Variants in TAF1 observed in about 807,000 individuals in gnomAD.
The protein encoded by TAF1 is TATA-box binding protein associated factor 1.
TAF1 carries 2 observed loss-of-function variants against 138.5 expected under a neutral mutation model. That is an observed-to-expected ratio of 0.01 (90% CI 0.01 to 0.05). TAF1 has a LOEUF of 0.05. TAF1 is among the 10% of genes least tolerant of loss of function. The pLI, the probability that TAF1 is intolerant of heterozygous loss-of-function variation, is 1.00. For missense variants in TAF1, 709 were observed against 1,478.0 expected, an observed-to-expected ratio of 0.48 and a Z score of 8.53; for synonymous variants, 437 against 503.2, an observed-to-expected ratio of 0.87 and a Z score of 1.76.
At chrX:71,486,409 G>A (rs982101147) in intron 13 of TAF1, among the ~76,000 whole-genome samples, 5 of 109,677 alleles carry the variant, frequency 4.6e-5, no homozygotes, top group African/African-American at 1.7e-4. Context: ...CCCACGCTGG[G>A]GTGCAGTGGC....
chrX:71,388,119 G>T, intron 15 of TAF1, 118 bp from the exon 16 acceptor site: 1 of 1,029,347 alleles, frequency 9.7e-7, no homozygotes, highest in Non-Finnish European at 1.3e-6. Flanking sequence ...AGGCTGTGTG[G>T]GTTTGGGAGC....
chrX:71,434,783 C>T (rs2037059335), intron 32 of TAF1, among the ~76,000 whole-genome samples: 1 of 112,006 alleles, frequency 8.9e-6, no homozygotes, highest in Admixed American at 9.5e-5. Flanking sequence ...TCAGGAAAGC[C>T]CACAACTTTA....
chrX:71,490,731 CTT>C (rs756329313), intron 13 of TAF1, among the ~76,000 whole-genome samples: 10 of 95,733 alleles, frequency 1.0e-4, no homozygotes, highest in Non-Finnish European at 4.2e-5. Context: ...TTCATTTTCT[CTT>C]TTTTTTTTTT....
chrX:71,420,860 C>T (rs1460422643), intron 28 of TAF1, among the ~76,000 whole-genome samples: 1 of 112,459 alleles, frequency 8.9e-6, no homozygotes, highest in Non-Finnish European at 1.9e-5. Context: ...CAGGCCGTTC[C>T]CGTAGTCCCC....
At chrX:71,367,639 G>A (rs781410768) in intron 2 of TAF1, 26 bp downstream of exon 2, 1 of 1,199,661 alleles carries the variant, frequency 8.3e-7, no homozygotes, top group South Asian at 1.8e-5. Context: ...TGGGGAGTAG[G>A]CGGGGGAGGA....
intron 24 of TAF1, among the ~76,000 whole-genome samples, chrX:71,400,960 G>A (rs1354608921): frequency 8.9e-6 from 1 of 112,001 alleles, no homozygotes; most frequent in Non-Finnish European, 1.9e-5. Context: ...CCTTTTTCTT[G>A]TTTTGACTAG....
chrX:71,448,895 C>T (rs2148769739), intron 32 of TAF1, among the ~76,000 whole-genome samples: 1 of 108,869 alleles, frequency 9.2e-6, no homozygotes, highest in East Asian at 2.9e-4. Context: ...CTCGGCTCAC[C>T]ACAACCTCTG....
intron 25 of TAF1, among the ~76,000 whole-genome samples, chrX:71,402,806 A>G (rs2035249063): frequency 9.0e-6 from 1 of 110,769 alleles, no homozygotes; most frequent in Non-Finnish European, 1.9e-5. Flanking sequence ...TTCCTAAATC[A>G]TTTGGAACTA....
At chrX:71,500,637 CCT>C (rs948769304) in intron 13 of TAF1, among the ~76,000 whole-genome samples, 1 of 100,373 alleles carries the variant, frequency 1.0e-5, no homozygotes, top group African/African-American at 3.8e-5. Flanking sequence ...CCTTAGTTTT[CCT>C]CTTAGACCAC....
intron 29 of TAF1, among the ~76,000 whole-genome samples, chrX:71,422,137 A>G (rs2036375996): frequency 8.9e-6 from 1 of 111,935 alleles, no homozygotes; most frequent in Non-Finnish European, 1.9e-5. Context: ...TGTTTCCAGC[A>G]GTAGTTTTAC....
chrX:71,418,536 G>A (rs924023347), intron 28 of TAF1, among the ~76,000 whole-genome samples: 1 of 112,635 alleles, frequency 8.9e-6, no homozygotes, highest in African/African-American at 3.2e-5. Context: ...AGTGAGAATA[G>A]AACTGACGTT....
intron 12 of TAF1, 82 bp downstream of exon 12, chrX:71,383,246 A>G (rs2148290433): frequency 9.9e-7 from 1 of 1,013,237 alleles, no homozygotes; most frequent in East Asian, 3.2e-5. Flanking sequence ...ATTAGATTGT[A>G]TTAGGGAATT....
intron 21 of TAF1, 83 bp downstream of exon 21, chrX:71,393,559 A>G (rs1641732536): frequency 9.2e-7 from 1 of 1,090,260 alleles, no homozygotes; most frequent in African/African-American, 1.8e-5. Context: ...AGAGGAGGTC[A>G]CCTAAAAGTT....
intron 23 of TAF1, among the ~76,000 whole-genome samples, chrX:71,398,038 CA>C (rs1448494042): frequency 1.8e-5 from 2 of 111,672 alleles, no homozygotes; most frequent in Admixed American, 1.9e-4. Flanking sequence ...GGTTGGTTTG[CA>C]AAAATCTTAG....
chrX:71,527,907 T>A (rs2040027379), intron 13 of TAF1: 1 of 138,977 alleles, frequency 7.2e-6, no homozygotes, highest in African/African-American at 3.2e-5. Flanking sequence ...ATAAAACAAA[T>A]GTCATGGGTG....
chrX:71,389,756 CTG>C, intron 18 of TAF1, 91 bp downstream of exon 18: 2 of 709,912 alleles, frequency 2.8e-6, no homozygotes, highest in Non-Finnish European at 4.1e-6. Context: ...ATAAAATAAA[CTG>C]TACACATTTA....
chrX:71,524,596 G>C (rs2039961292), intron 13 of TAF1, among the ~76,000 whole-genome samples: 1 of 108,779 alleles, frequency 9.2e-6, no homozygotes, highest in Non-Finnish European at 1.9e-5. Context: ...TGTAGTCCCA[G>C]CTACTTGGGA....
intron 28 of TAF1, among the ~76,000 whole-genome samples, chrX:71,417,348 A>T (rs962941585): frequency 9.1e-6 from 1 of 110,211 alleles, no homozygotes; most frequent in Non-Finnish European, 1.9e-5. Context: ...CTCCATAATT[A>T]TAAGAAATTT....
rs1201742887 is a variant in TAF1 at position 71,465,105 on chromosome X, A to G, written c.*1059A>G. The G allele has an allele frequency of 9.0e-6, 1 of 111,204 alleles. No homozygotes were observed. Among genetic ancestry groups the G allele is most frequent in the African/African-American group, 3.3e-5 (1 of 30,570 alleles). 9.2% of individuals were successfully genotyped at this position (111,204 alleles called of 1,213,427 possible). ...ACTCAGTAAATGTTCCTAGAATCAT[A>G]AAATCCTCAACAGATATGTTACTGA... On this transcript the variant is annotated 3_prime_UTR_variant, in exon 38 of 38. Coordinates refer to ENST00000423759, the MANE Select transcript of TAF1 (RefSeq NM_004606.5).
Sources: allele counts gnomAD v4.1 joint callset (sites outside exome capture counted in the v4.1 genomes callset), GRCh38; gene constraint gnomAD v4.1.1; transcripts MANE v1.5; gene names NCBI Gene and HGNC (gene_info 2026-07-23, HGNC 2026-07-21).